Variants in CAPN7 observed in about 807,000 individuals in gnomAD.
CAPN7 encodes the protein calpain-7.
Under a neutral mutation model 115.2 loss-of-function variants are expected in CAPN7, and 72 were observed. The ratio of observed to expected loss-of-function variants is 0.63; its 90% CI spans 0.52 to 0.76. The LOEUF is 0.76. Ranked by LOEUF, CAPN7 falls within the 30% of genes least tolerant of loss-of-function variation. The probability of loss-of-function intolerance (pLI) is 0.00; values close to 1 mark genes in which losing one functional copy is unlikely to be tolerated. For missense variants in CAPN7, 905 were observed against 971.5 expected (o/e 0.93, Z 0.91); for synonymous variants, 344 against 322.3 (o/e 1.07, Z -0.72).
intron 16 of CAPN7, among the ~76,000 whole-genome samples, chr3:15,245,148 G>A (rs1695582212): frequency 6.6e-6 from 1 of 151,280 alleles, no homozygotes. Context: ...CTGAGTGGTG[G>A]GGAATATATA....
intron 1 of CAPN7, among the ~76,000 whole-genome samples, chr3:15,207,048 G>C (rs2044670478): frequency 6.6e-6 from 1 of 152,192 alleles, no homozygotes; most frequent in African/African-American, 2.4e-5. Context: ...CGTCCTTAGC[G>C]ATGTGATATT....
At chr3:15,242,068 A>C in intron 15 of CAPN7, 110 bp from the exon 16 acceptor site, 2 of 704,654 alleles carry the variant, frequency 2.8e-6, no homozygotes, top group Non-Finnish European at 4.8e-6. Context: ...TCTTAAAATT[A>C]GAGATTTTTT....
intron 6 of CAPN7, among the ~76,000 whole-genome samples, chr3:15,223,955 G>T (rs948815960): frequency 2.6e-5 from 4 of 152,182 alleles, no homozygotes; most frequent in East Asian, 1.9e-4. Context: ...ATTTATGAGA[G>T]AATTAGTTAG....
Position 15,208,069 on chromosome 3 carries a change from A to G in CAPN7, c.102+1472A>G, listed in dbSNP as rs992667011. 2.0e-5 allele frequency among the ~76,000 whole-genome samples: 3 copies of G among 152,222 alleles called. No homozygotes were observed. In the South Asian group the frequency reaches 6.2e-4, roughly 31 times the overall value. On this transcript the variant is annotated intron_variant, in intron 1 of 20. Transcript: ENST00000253693. ...GTTGTGCTATGACATTATGATGGCT[A>G]TGACATGACCAGGCAATAGGAATTT...
chr3:15,208,863 C>T (rs1469419155), intron 1 of CAPN7, among the ~76,000 whole-genome samples: 2 of 152,128 alleles, frequency 1.3e-5, no homozygotes, highest in Admixed American at 1.3e-4. Context: ...GAGCTGTGTC[C>T]TCATGATAGT....
intron 12 of CAPN7, among the ~76,000 whole-genome samples, chr3:15,236,549 G>A (rs866240565): frequency 6.6e-5 from 10 of 152,216 alleles, no homozygotes; most frequent in Admixed American, 5.2e-4. Context: ...TTACAGTCAC[G>A]TGTTGCTTAA....
intron 2 of CAPN7, among the ~76,000 whole-genome samples, chr3:15,213,615 A>G (rs2045074275): frequency 6.6e-6 from 1 of 152,330 alleles, no homozygotes; most frequent in East Asian, 1.9e-4. Context: ...TTTATGCCCT[A>G]GGGTCTTGAT....
Position 15,229,038 on chromosome 3 carries a change from T to G in CAPN7, c.917T>G (p.Phe306Cys). The change falls in exon 8 of 21, where the codon TTT becomes TGT. Residue 306 changes from phenylalanine to cysteine, a missense_variant. Physicochemically the swap from Phe to Cys is radical, Grantham distance 205. This residue lies in a region of CAPN7 where 620 missense variants were observed against 703.4 expected (regional missense o/e 0.88). Transcript: ENST00000253693. ...LAISAAYERR[F>C]NKKLITGIIY... Reference sequence around the variant, plus strand: ...ATCAGTGCAGCTTATGAAAGACGTTTTAATAAGAAGTTAATTACCGGGTAA... The same window carrying G: ...ATCAGTGCAGCTTATGAAAGACGTTGTAATAAGAAGTTAATTACCGGGTAA... The G allele has an allele frequency of 6.2e-7, 1 of 1,613,336 alleles. No individual in the cohort carries two copies. Among genetic ancestry groups the G allele is most frequent in the Admixed American group, 1.7e-5 (1 of 60,010 alleles).
At chr3:15,248,482 G>C (rs1485708022) in intron 19 of CAPN7, among the ~76,000 whole-genome samples, 1 of 152,132 alleles carries the variant, frequency 6.6e-6, no homozygotes, top group African/African-American at 2.4e-5. Context: ...CACTAAGGTA[G>C]TAAAACTATA....
chr3:15,241,130 G>A (rs571410135), intron 14 of CAPN7, among the ~76,000 whole-genome samples: 1 of 152,298 alleles, frequency 6.6e-6, no homozygotes, highest in East Asian at 1.9e-4. Flanking sequence ...GCTCAAGCCT[G>A]GGAGGTGGAG....
chr3:15,234,016 G>A (rs368165025), intron 11 of CAPN7, 43 bp downstream of exon 11: 72 of 1,090,998 alleles, frequency 6.6e-5, no homozygotes, highest in Admixed American at 2.4e-4. Context: ...AAATGTGGCC[G>A]TTTAAAAACA....
rs1693943750 is a variant in CAPN7, at chr3:15,220,938, G to A, written c.595G>A (p.Ala199Thr). ...ATTTATAAGTCCTCAGTCATGTGATGCACAAGGACAGAGATACACAGCAGA... is the reference window on the plus strand; with the variant it reads ...ATTTATAAGTCCTCAGTCATGTGATACACAAGGACAGAGATACACAGCAGA... ...QSFISPQSCD[A>T]QGQRYTAEEI... Residue 199 changes from alanine to threonine, a missense_variant, in exon 5 of 21, where the codon GCA becomes ACA. This residue lies in a region of CAPN7 where 271 missense variants were observed against 239.6 expected (regional missense o/e 1.13). Coordinates refer to ENST00000253693, the MANE Select transcript of CAPN7 (RefSeq NM_014296.3). 2 of 1,614,072 alleles carry A rather than the reference G, an allele frequency of 1.2e-6. No individual in the cohort carries two copies. The highest frequency in any genetic ancestry group is 1.7e-6 in the Non-Finnish European group (2 of 1,179,964).
intron 11 of CAPN7, among the ~76,000 whole-genome samples, chr3:15,234,237 ACG>A (rs1694860141): frequency 6.6e-6 from 1 of 152,164 alleles, no homozygotes; most frequent in Non-Finnish European, 1.5e-5. Context: ...AATCGCTTGA[ACG>A]CAGGAGGCAG....
intron 3 of CAPN7, among the ~76,000 whole-genome samples, chr3:15,218,229 A>G (rs974444307): frequency 6.6e-6 from 1 of 152,202 alleles, no homozygotes; most frequent in African/African-American, 2.4e-5. Flanking sequence ...CCACAGCACT[A>G]TGGTCAAACA....
At position 15,230,550 on chromosome 3, in the gene CAPN7, T is replaced by C; in HGVS notation, c.1032+15T>C. 6.9e-7 allele frequency: 1 copy of C among 1,444,126 alleles called. No individual in the cohort carries two copies. The highest frequency in any genetic ancestry group is 1.7e-5 in the Admixed American group (1 of 59,586). 89.5% of individuals were successfully genotyped at this position (1,444,126 alleles called of 1,614,324 possible). A position where few individuals can be genotyped will look rare whatever the true frequency, so the allele number is the denominator to read the frequency against. On this transcript the variant is annotated intron_variant, in intron 9 of 20. Coordinates refer to ENST00000253693, the MANE Select transcript of CAPN7 (RefSeq NM_014296.3). ...TCCCAAGAAAGGTGAATAATGTCTCTCCCCACTCCCATCCCTTGTCTCTCT... is the reference window on the plus strand; with the variant it reads ...TCCCAAGAAAGGTGAATAATGTCTCCCCCCACTCCCATCCCTTGTCTCTCT...
intron 10 of CAPN7, 49 bp from the exon 11 acceptor site, chr3:15,233,818 A>G: frequency 1.0e-6 from 1 of 965,206 alleles, no homozygotes; most frequent in Non-Finnish European, 1.7e-6. Flanking sequence ...CTGGGGATTT[A>G]AGAACTTGAA....
intron 15 of CAPN7, 48 bp downstream of exon 15, chr3:15,241,636 T>G: frequency 6.5e-7 from 1 of 1,527,952 alleles, no homozygotes; most frequent in Non-Finnish European, 8.9e-7. Flanking sequence ...TTTTTTAATA[T>G]AGTTAGAACA....
chr3:15,206,679 T>C, intron 1 of CAPN7, 82 bp downstream of exon 1: 2 of 1,031,020 alleles, frequency 1.9e-6, no homozygotes, highest in Non-Finnish European at 2.8e-6. Context: ...GGGATCCGGG[T>C]GCGGAGGCTA....
intron 16 of CAPN7, 72 bp downstream of exon 16, chr3:15,242,325 A>T: frequency 1.0e-6 from 1 of 982,254 alleles, no homozygotes; most frequent in Non-Finnish European, 1.5e-6. Flanking sequence ...AAGTTGAAAA[A>T]TGACACATTT....
Sources: allele counts gnomAD v4.1 joint callset (sites outside exome capture counted in the v4.1 genomes callset), GRCh38; gene constraint gnomAD v4.1.1; regional missense constraint gnomAD v4.1.1; transcripts MANE v1.5; gene names NCBI Gene and HGNC (gene_info 2026-07-23, HGNC 2026-07-21).